Variants in SLC15A1 observed in about 807,000 individuals in gnomAD.
SLC15A1 encodes solute carrier family 15 member 1, also known as Caco-2 oligopeptide transporter.
In SLC15A1, 83 loss-of-function variants were observed where a neutral mutation model predicts 92.9. The observed-to-expected ratio is 0.89, with a 90% CI of 0.75 to 1.07. SLC15A1 has a LOEUF of 1.07. Ranked by LOEUF, SLC15A1 falls within the 50% of genes least tolerant of loss-of-function variation. The pLI, the probability that SLC15A1 is intolerant of heterozygous loss-of-function variation, is 0.00. For missense variants in SLC15A1, 857 were observed against 880.1 expected, an observed-to-expected ratio of 0.97 and a Z score of 0.33; for synonymous variants, 322 against 318.2, an observed-to-expected ratio of 1.01 and a Z score of -0.13.
chr13:98,706,017 G>C (rs2088109805), intron 16 of SLC15A1, 117 bp downstream of exon 16: 8 of 1,061,392 alleles, frequency 7.5e-6, no homozygotes, highest in Non-Finnish European at 9.5e-6. Context: ...AAGATCCTTA[G>C]TTCACTTCTG....
chr13:98,694,824 A>G (rs2088008331), intron 18 of SLC15A1, among the ~76,000 whole-genome samples: 1 of 152,118 alleles, frequency 6.6e-6, no homozygotes, highest in Non-Finnish European at 1.5e-5. Flanking sequence ...CAGGAGATTG[A>G]GACCATCTGG....
intron 21 of SLC15A1, among the ~76,000 whole-genome samples, chr13:98,687,033 G>A (rs1157572097): frequency 2.0e-5 from 3 of 148,944 alleles, no homozygotes; most frequent in African/African-American, 7.4e-5. Flanking sequence ...CTGCTGCCTC[G>A]GACTCCTGGG....
intron 18 of SLC15A1, among the ~76,000 whole-genome samples, chr13:98,692,060 C>T (rs1381379119): frequency 4.7e-5 from 7 of 147,914 alleles, no homozygotes; most frequent in African/African-American, 7.5e-5. Flanking sequence ...GCAACAAGAG[C>T]GAAACTCCAT....
chr13:98,735,172 G>T lies in SLC15A1; in HGVS notation c.5-8313C>A, dbSNP rs1195403348. Among the ~76,000 whole-genome samples the T allele has an allele frequency of 3.9e-5, 6 of 152,306 alleles. No homozygotes were observed. In the East Asian group the frequency reaches 1.2e-3, roughly 29 times the overall value. ...AGTTGGCTTCATCCATGGGTTGCAA[G>T]GCTGGTTCAACATATGCAAATCAAT... On this transcript the variant is annotated intron_variant, in intron 1 of 22. Coordinates refer to ENST00000376503, the MANE Select transcript of SLC15A1 (RefSeq NM_005073.4).
chr13:98,749,575 G>C (rs111367442), intron 1 of SLC15A1, among the ~76,000 whole-genome samples: 2,293 of 152,234 alleles, frequency 0.015, 23 homozygotes, highest in Non-Finnish European at 0.023. Flanking sequence ...GGCTTCGGAG[G>C]CTGCTTTTTC....
chr13:98,743,656 G>T (rs2088467057), intron 1 of SLC15A1, among the ~76,000 whole-genome samples: 1 of 152,068 alleles, frequency 6.6e-6, no homozygotes, highest in South Asian at 2.1e-4. Flanking sequence ...TAGAGGCCGG[G>T]TAGTCAGGTG....
intron 1 of SLC15A1, among the ~76,000 whole-genome samples, chr13:98,731,410 G>A (rs558456460): frequency 6.6e-6 from 1 of 152,352 alleles, no homozygotes; most frequent in South Asian, 2.1e-4. Flanking sequence ...GTGCGTTCTT[G>A]AGGACACGGC....
chr13:98,713,008 G>T (rs2088178030), intron 9 of SLC15A1, among the ~76,000 whole-genome samples: 2 of 151,962 alleles, frequency 1.3e-5, no homozygotes, highest in Non-Finnish European at 2.9e-5. Flanking sequence ...CTTCCATATT[G>T]TCTTCAAAAT....
At chr13:98,731,914 G>T (rs1218430577) in intron 1 of SLC15A1, among the ~76,000 whole-genome samples, 9 of 152,172 alleles carry the variant, frequency 5.9e-5, no homozygotes, top group Admixed American at 5.9e-4. Flanking sequence ...CCATTACCAA[G>T]AAGGCATTTT....
At chr13:98,734,789 A>G (rs561476415) in intron 1 of SLC15A1, among the ~76,000 whole-genome samples, 106 of 152,358 alleles carry the variant, frequency 7.0e-4, no homozygotes, top group African/African-American at 2.5e-3. Flanking sequence ...TAAACCAGGA[A>G]GACATTGAAT....
chr13:98,742,868 T>C (rs1471607781), intron 1 of SLC15A1, among the ~76,000 whole-genome samples: 1 of 152,224 alleles, frequency 6.6e-6, no homozygotes, highest in Admixed American at 6.5e-5. Context: ...CTTGAACTCC[T>C]GGGCTCAAGG....
rs892406583 is a variant in SLC15A1 at position 98,688,455 on chromosome 13, A to G, written c.1574+15T>C. The G allele has an allele frequency of 1.2e-6, 2 of 1,610,538 alleles. No homozygotes were observed. The highest frequency in any genetic ancestry group is 1.7e-6 in the Non-Finnish European group (2 of 1,177,078). The stretch of plus-strand genomic sequence containing the variant: ...TCTTGAACCTTTGAGTGAAGCATTC[A>G]GTCTCGGTACTTACATGCCAGAAGG... On this transcript the variant is annotated intron_variant, in intron 19 of 22. Coordinates refer to ENST00000376503, the MANE Select transcript of SLC15A1 (RefSeq NM_005073.4).
At chr13:98,708,519 T>C (rs114096298) in intron 15 of SLC15A1, among the ~76,000 whole-genome samples, 167 bp downstream of exon 15, 2,269 of 152,216 alleles carry the variant, frequency 0.015, 59 homozygotes, top group African/African-American at 0.052. Flanking sequence ...GCCCACCCAC[T>C]GTACCCTCAC....
chr13:98,721,778 G>T (rs772888377), intron 6 of SLC15A1, 26 bp downstream of exon 6: 14 of 1,600,348 alleles, frequency 8.7e-6, no homozygotes, highest in Non-Finnish European at 9.4e-6. Context: ...CATTCACGTG[G>T]GCTCTGGGGA....
intron 18 of SLC15A1, among the ~76,000 whole-genome samples, chr13:98,691,011 C>T (rs1320542009): frequency 6.6e-6 from 1 of 152,026 alleles, no homozygotes; most frequent in African/African-American, 2.4e-5. Flanking sequence ...CTTTCACATT[C>T]GTTCATATCG....
At chr13:98,726,474 G>T in intron 2 of SLC15A1, 25 bp from the exon 3 acceptor site, 2 of 1,603,942 alleles carry the variant, frequency 1.2e-6, no homozygotes, top group South Asian at 1.1e-5. Flanking sequence ...ACAAGCACAG[G>T]ATTGAAATAC....
In SLC15A1 at chr13:98,752,604, C is replaced by T. The variant is rs1405121357; in HGVS notation, c.-6G>A. On this transcript the variant is annotated 5_prime_UTR_variant, in exon 1 of 23. Coordinates refer to ENST00000376503, the MANE Select transcript of SLC15A1 (RefSeq NM_005073.4). ...CACCCGCCGAGCGTACCCATGGCGG[C>T]GGCTCCCAGGGCTCCTGCGACCTGC... The T allele has an allele frequency of 8.0e-7, 1 of 1,255,818 alleles. No homozygotes were observed. The highest frequency in any genetic ancestry group is 3.2e-5 in the South Asian group (1 of 31,164). 77.8% of individuals were successfully genotyped at this position (1,255,818 alleles called of 1,614,324 possible). A position where few individuals can be genotyped will look rare whatever the true frequency, so the allele number is the denominator to read the frequency against.
At chr13:98,688,168 A>G in intron 20 of SLC15A1, 80 bp downstream of exon 20, 1 of 925,360 alleles carries the variant, frequency 1.1e-6, no homozygotes, top group Non-Finnish European at 1.7e-6. Context: ...GTTAAATCAT[A>G]TTATGTCCTA....
At chr13:98,690,251 C>A (rs1167758096) in intron 18 of SLC15A1, among the ~76,000 whole-genome samples, 1 of 152,184 alleles carries the variant, frequency 6.6e-6, no homozygotes, top group Non-Finnish European at 1.5e-5. Context: ...TAATACTGAT[C>A]AAATTTTAGG....
Sources: gnomAD v4.1 joint callset for allele counts (sites outside exome capture counted in the v4.1 genomes callset) on GRCh38, gnomAD v4.1.1 for gene constraint, MANE v1.5 for transcripts, NCBI Gene and HGNC (gene_info 2026-07-23, HGNC 2026-07-21) for gene names.